Variants in GRAMD1B observed in about 807,000 individuals in gnomAD.
The protein encoded by GRAMD1B is protein Aster-B.
A neutral mutation model predicts 99.7 loss-of-function variants in GRAMD1B; 37 were observed. That is an observed-to-expected ratio of 0.37 (90% confidence interval 0.29 to 0.49). The LOEUF (loss-of-function observed/expected upper bound fraction) is 0.49, where lower values mean the gene tolerates loss of function less well. GRAMD1B is among the 20% of genes least tolerant of loss of function. The pLI is 0.98. For missense variants in GRAMD1B, 888 were observed against 1,009.2 expected, an observed-to-expected ratio of 0.88 and a Z score of 1.63; for synonymous variants, 427 against 387.6, an observed-to-expected ratio of 1.10 and a Z score of -1.19.
chr11:123,594,932 C>T (rs938097761), intron 6 of GRAMD1B, 94 bp downstream of exon 6: 5 of 732,762 alleles, frequency 6.8e-6, no homozygotes, highest in Non-Finnish European at 1.3e-5. Context: ...TCATGCTCTT[C>T]CCAAGCCTTT....
intron 1 of GRAMD1B, among the ~76,000 whole-genome samples, chr11:123,411,031 G>C (rs554650631): frequency 6.6e-6 from 1 of 150,990 alleles, no homozygotes; most frequent in Non-Finnish European, 1.5e-5. Context: ...TTAAGACGGA[G>C]TCTTGCTCTG....
intron 1 of GRAMD1B, chr11:123,460,090 A>C (rs1485087885): frequency 6.6e-6 from 1 of 151,746 alleles, no homozygotes; most frequent in Non-Finnish European, 1.5e-5. Context: ...GTTTCATTAA[A>C]ATTCTCAAAC....
At chr11:123,614,981 G>A in intron 17 of GRAMD1B, 146 bp downstream of exon 17, 1 of 544,040 alleles carries the variant, frequency 1.8e-6, no homozygotes, top group Non-Finnish European at 3.4e-6. Context: ...TGTCTGGATT[G>A]GTTGCTCTGC....
intron 1 of GRAMD1B, among the ~76,000 whole-genome samples, chr11:123,417,904 G>A (rs184208485): frequency 1.3e-5 from 2 of 152,280 alleles, no homozygotes; most frequent in South Asian, 4.2e-4. Flanking sequence ...GTGGCTACAG[G>A]CACATGCCTC....
At chr11:123,396,208 T>G (rs537732532) in intron 1 of GRAMD1B, among the ~76,000 whole-genome samples, 18 of 144,342 alleles carry the variant, frequency 1.2e-4, no homozygotes, top group African/African-American at 4.2e-4. Context: ...TCCTTTTTTT[T>G]TTTTAGATGG....
intron 2 of GRAMD1B, among the ~76,000 whole-genome samples, chr11:123,546,836 C>G (rs746097709): frequency 1.3e-5 from 2 of 152,054 alleles, no homozygotes; most frequent in Non-Finnish European, 2.9e-5. Flanking sequence ...AGCATCCACT[C>G]CCTCCCACTT....
intron 2 of GRAMD1B, among the ~76,000 whole-genome samples, chr11:123,496,439 C>T (rs1939272765): frequency 6.6e-6 from 1 of 152,034 alleles, no homozygotes; most frequent in South Asian, 2.1e-4. Context: ...CTAAGCTAGT[C>T]TTCTTTGGGT....
intron 1 of GRAMD1B, among the ~76,000 whole-genome samples, chr11:123,456,966 G>A (rs948202092): frequency 1.3e-5 from 2 of 150,086 alleles, no homozygotes; most frequent in Non-Finnish European, 3.0e-5. Context: ...AGAACTAGGT[G>A]TGGTGGCACA....
intron 1 of GRAMD1B, among the ~76,000 whole-genome samples, chr11:123,464,042 C>G (rs1446555226): frequency 6.6e-6 from 1 of 152,048 alleles, no homozygotes; most frequent in Non-Finnish European, 1.5e-5. Flanking sequence ...GTGGGCCATG[C>G]CTGTAATCCC....
At position 123,603,475 on chromosome 11, in the gene GRAMD1B, A is replaced by G; in HGVS notation, c.1100A>G (p.Asn367Ser). The part of the protein sequence containing the change: ...LWHFVHQCYG[N>S]ELGLTSDDED... ...CACTTTGTTCACCAGTGCTATGGGA[A>G]CGAATTGGGCCTGACCAGTGATGAC... is the stretch of plus-strand genomic sequence containing the variant. The change falls in exon 9 of 20, where the codon AAC (asparagine) becomes AGC (serine). Residue 367 changes from asparagine (N) to serine (S), a missense_variant. Physicochemically the swap from Asn to Ser is conservative, Grantham distance 46 (BLOSUM62 1). Transcript: ENST00000635736. 1 of 1,613,888 alleles carries G rather than the reference A, an allele frequency of 6.2e-7. No homozygotes were observed. The highest frequency in any genetic ancestry group is 8.5e-7 in the Non-Finnish European group (1 of 1,179,750).
chr11:123,476,108 CTTT>C (rs35617846), intron 1 of GRAMD1B, among the ~76,000 whole-genome samples: 4 of 145,074 alleles, frequency 2.8e-5, no homozygotes, highest in African/African-American at 2.5e-5. Flanking sequence ...CATTTAACTT[CTTT>C]TTTTTTTTTT....
At chr11:123,537,051 C>T (rs1192307304) in intron 2 of GRAMD1B, among the ~76,000 whole-genome samples, 1 of 152,160 alleles carries the variant, frequency 6.6e-6, no homozygotes, top group African/African-American at 2.4e-5. Context: ...ATTCTTTCTG[C>T]CCCGTCTTGA....
At chr11:123,493,233 T>G (rs1341419968) in intron 2 of GRAMD1B, among the ~76,000 whole-genome samples, 1 of 152,190 alleles carries the variant, frequency 6.6e-6, no homozygotes, top group Non-Finnish European at 1.5e-5. Flanking sequence ...TCTGAATGTT[T>G]CCTTTCTGAA....
intron 2 of GRAMD1B, among the ~76,000 whole-genome samples, chr11:123,556,556 T>C (rs1946202779): frequency 6.6e-6 from 1 of 152,200 alleles, no homozygotes. Flanking sequence ...CTCTGGAAAG[T>C]GCTTTTGACA....
At chr11:123,435,147 T>G (rs1252160471) in intron 1 of GRAMD1B, among the ~76,000 whole-genome samples, 1 of 152,160 alleles carries the variant, frequency 6.6e-6, no homozygotes, top group Admixed American at 6.5e-5. Flanking sequence ...CCTCACACAA[T>G]TCAGGATTTG....
chr11:123,488,996 G>A (rs1591687078), intron 2 of GRAMD1B, among the ~76,000 whole-genome samples: 1 of 152,154 alleles, frequency 6.6e-6, no homozygotes, highest in South Asian at 2.1e-4. Context: ...GCCCAGGAAC[G>A]GCAGGTGCTA....
chr11:123,364,219 G>A (rs951477876), intron 1 of GRAMD1B, among the ~76,000 whole-genome samples: 4 of 152,234 alleles, frequency 2.6e-5, no homozygotes, highest in Admixed American at 2.6e-4. Context: ...TTCAAAGGGA[G>A]CGATGGGTGG....
Position 123,622,613 on chromosome 11 carries a change from G to A in GRAMD1B, c.*18G>A, listed in dbSNP as rs1172923971. ...ATCATTGACAAGGCAGGAACAGGGTGGCTGCAAGAGGCCTGTGCAATACAT... is the reference window on the plus strand; with the variant it reads ...ATCATTGACAAGGCAGGAACAGGGTAGCTGCAAGAGGCCTGTGCAATACAT... On this transcript the variant is annotated 3_prime_UTR_variant, in exon 20 of 20. Coordinates refer to ENST00000635736, the MANE Select transcript of GRAMD1B (RefSeq NM_001387025.1). 4 of 1,249,084 alleles carry A rather than the reference G, an allele frequency of 3.2e-6. No homozygotes were observed. Among genetic ancestry groups the A allele is most frequent in the African/African-American group, 1.5e-5 (1 of 67,130 alleles). 77.4% of individuals were successfully genotyped at this position (1,249,084 alleles called of 1,614,324 possible). A position where few individuals can be genotyped will look rare whatever the true frequency, so the allele number is the denominator to read the frequency against.
chr11:123,502,774 C>CAAAA (rs34321315), intron 2 of GRAMD1B, among the ~76,000 whole-genome samples: 26 of 98,396 alleles, frequency 2.6e-4, no homozygotes, highest in South Asian at 6.8e-4. Flanking sequence ...GACTCCATCT[C>CAAAA]AAAAAAAAAA....
Sources: allele counts gnomAD v4.1 joint callset (sites outside exome capture counted in the v4.1 genomes callset), GRCh38; gene constraint gnomAD v4.1.1; transcripts MANE v1.5; gene names NCBI Gene and HGNC (gene_info 2026-07-23, HGNC 2026-07-21).